The following AFF3 variants were observed in gnomAD, a reference collection of about 807,000 sequenced individuals.
AFF3 encodes the protein AF4/FMR2 family member 3.
Under a neutral mutation model 129.7 loss-of-function variants are expected in AFF3, and 32 were observed. That is an observed-to-expected ratio of 0.25 (90% CI 0.19 to 0.33). AFF3 has a LOEUF of 0.33. Among genes scored for constraint, AFF3 ranks in the 10% least tolerant of loss-of-function variants. The pLI, the probability that AFF3 is intolerant of heterozygous loss-of-function variation, is 1.00. For synonymous variants in AFF3, 644 were observed against 635.4 expected (o/e 1.01, Z -0.20); for missense variants, 1,373 against 1,592.0 (o/e 0.86, Z 2.34).
rs1228735463 is a variant in AFF3 at position 100,104,743 on chromosome 2, C to G, written c.-64-225G>C. On this transcript the variant is annotated intron_variant, in intron 3 of 24. Transcript: ENST00000672756. ...CCGCGCCGCCGCCGCCCCCCGCCCCCGGCCCTGCGCCCGCCCCTCCTCCCC... is the reference window on the plus strand; with the variant it reads ...CCGCGCCGCCGCCGCCCCCCGCCCCGGGCCCTGCGCCCGCCCCTCCTCCCC... 4.3e-5 allele frequency: 42 copies of G among 966,754 alleles called. No individual in the cohort carries two copies. In the African/African-American group the frequency reaches 5.7e-4, roughly 13 times the overall value. 59.9% of individuals were successfully genotyped at this position (966,754 alleles called of 1,614,324 possible). A position where few individuals can be genotyped will look rare whatever the true frequency, so the allele number is the denominator to read the frequency against.
At chr2:99,573,094 T>C (rs940052781) in intron 18 of AFF3, among the ~76,000 whole-genome samples, 1 of 152,172 alleles carries the variant, frequency 6.6e-6, no homozygotes, top group Non-Finnish European at 1.5e-5. Context: ...TCTGTTGAAA[T>C]GGGAAATTAT....
chr2:100,140,014 T>G (rs1014451441), intron 1 of AFF3, among the ~76,000 whole-genome samples: 2 of 152,216 alleles, frequency 1.3e-5, no homozygotes, highest in Admixed American at 6.5e-5. Context: ...TAATGACATG[T>G]CATTAAGAAC....
intron 2 of AFF3, among the ~76,000 whole-genome samples, chr2:100,121,632 T>C (rs1691971356): frequency 6.6e-6 from 1 of 152,100 alleles, no homozygotes; most frequent in Admixed American, 6.6e-5. Flanking sequence ...GGAGAGGGGA[T>C]GGGTTCAAAT....
At chr2:99,609,510 T>G (rs573921350) in intron 13 of AFF3, among the ~76,000 whole-genome samples, 1 of 152,326 alleles carries the variant, frequency 6.6e-6, no homozygotes, top group East Asian at 1.9e-4. Flanking sequence ...GTCACTTCAC[T>G]TAGAATAATA....
intron 7 of AFF3, among the ~76,000 whole-genome samples, chr2:99,865,825 T>C (rs149613147): frequency 1.5e-3 from 223 of 152,316 alleles, no homozygotes; most frequent in Admixed American, 3.5e-3. Flanking sequence ...CTCAAGGACA[T>C]AAAGGCTTAC....
intron 12 of AFF3, among the ~76,000 whole-genome samples, chr2:99,668,223 G>GT (rs1382557054): frequency 6.6e-6 from 1 of 152,004 alleles, no homozygotes; most frequent in Non-Finnish European, 1.5e-5. Context: ...CCGGGCTGGA[G>GT]TGCAGTGGCT....
At position 99,807,284 on chromosome 2, in the gene AFF3, G is replaced by A. The variant is rs769788495; in HGVS notation, c.921+30193C>T. On this transcript the variant is annotated intron_variant, in intron 8 of 24. Coordinates refer to ENST00000672756, the MANE Select transcript of AFF3 (RefSeq NM_001386135.1). The stretch of plus-strand genomic sequence containing the variant: ...GCAGAGAAAACGGAGTGGTGGGTGG[G>A]TTGCTGCATGGTCTGTTGGCTCCCG... Among the ~76,000 whole-genome samples the A allele has an allele frequency of 5.3e-5, 8 of 152,272 alleles. No individual in the cohort carries two copies. In the East Asian group the frequency reaches 1.4e-3, roughly 26 times the overall value.
intron 7 of AFF3, among the ~76,000 whole-genome samples, chr2:99,844,233 T>A (rs7600398): frequency 0.62 from 93,999 of 151,860 alleles, 30,122 homozygotes; most frequent in South Asian, 0.75. Context: ...TTTAAAAAAA[T>A]TATTGAGGCA....
intron 8 of AFF3, among the ~76,000 whole-genome samples, chr2:99,791,532 A>G (rs1415377169): frequency 1.3e-5 from 2 of 152,204 alleles, no homozygotes; most frequent in Non-Finnish European, 2.9e-5. Flanking sequence ...TTAACCTGTG[A>G]ATGTGGAACC....
intron 8 of AFF3, among the ~76,000 whole-genome samples, chr2:99,796,659 G>A (rs1346245007): frequency 1.3e-5 from 2 of 152,192 alleles, no homozygotes; most frequent in Non-Finnish European, 2.9e-5. Flanking sequence ...GGAGATTGCT[G>A]TACAGAGAGA....
intron 4 of AFF3, among the ~76,000 whole-genome samples, chr2:100,015,653 G>A (rs573005523): frequency 6.6e-6 from 1 of 152,338 alleles, no homozygotes; most frequent in South Asian, 2.1e-4. Flanking sequence ...CAAGGTTGCT[G>A]AAGTGTACTT....
intron 8 of AFF3, among the ~76,000 whole-genome samples, chr2:99,756,500 C>A (rs1682111672): frequency 6.6e-6 from 1 of 152,238 alleles, no homozygotes; most frequent in African/African-American, 2.4e-5. Flanking sequence ...TCTGGTCTGA[C>A]TGGAAGAGGC....
At chr2:100,011,895 C>G (rs539081608) in intron 4 of AFF3, among the ~76,000 whole-genome samples, 18 of 152,124 alleles carry the variant, frequency 1.2e-4, no homozygotes, top group Non-Finnish European at 2.2e-4. Flanking sequence ...TGAGTCATGT[C>G]CTACTCTGAA....
intron 7 of AFF3, among the ~76,000 whole-genome samples, chr2:99,963,636 A>C (rs915495431): frequency 5.9e-5 from 9 of 151,968 alleles, no homozygotes; most frequent in Non-Finnish European, 1.2e-4. Context: ...ACAAAAAAAA[A>C]CCCCAAAAAC....
chr2:100,006,787 C>T lies in AFF3; in HGVS notation c.718G>A (p.Gly240Ser). 1 of 1,614,204 alleles carries T rather than the reference C, an allele frequency of 6.2e-7. No homozygotes were observed. The highest frequency in any genetic ancestry group is 1.1e-5 in the South Asian group (1 of 91,084). The change falls in exon 7 of 25, where the codon GGC becomes AGC. Residue 240 changes from glycine (G) to serine (S), a missense_variant. This residue lies in a region of AFF3 where 413 missense variants were observed against 424.4 expected (regional missense o/e 0.97). Transcript: ENST00000672756. ...GACTCATCAGGGGCCTGATCTTGGC[C>T]GTCCATTGGCCTCACATACGCGGTC... Reference protein sequence around the residue: ...KPTAYVRPMDGQDQAPDESPK... With the variant: ...KPTAYVRPMDSQDQAPDESPK...
chr2:99,919,988 GA>G (rs1364967102), intron 7 of AFF3, among the ~76,000 whole-genome samples: 1 of 151,994 alleles, frequency 6.6e-6, no homozygotes, highest in Non-Finnish European at 1.5e-5. Flanking sequence ...GAAATTCCTT[GA>G]AAAATACAAC....
At chr2:99,836,757 T>C (rs971537352) in intron 8 of AFF3, among the ~76,000 whole-genome samples, 1 of 152,194 alleles carries the variant, frequency 6.6e-6, no homozygotes, top group East Asian at 1.9e-4. Flanking sequence ...TAATTTGTCT[T>C]GGTGTTTTGC....
chr2:99,830,376 G>T (rs979058438), intron 8 of AFF3, among the ~76,000 whole-genome samples: 6 of 152,212 alleles, frequency 3.9e-5, no homozygotes, highest in Non-Finnish European at 5.9e-5. Context: ...GACTGCAGTT[G>T]CAGTGGTGGT....
chr2:99,773,565 T>C (rs886971447), intron 8 of AFF3, among the ~76,000 whole-genome samples: 62 of 135,486 alleles, frequency 4.6e-4, no homozygotes, highest in Middle Eastern at 7.4e-3. Context: ...GTGATGGGGG[T>C]GGGGAATCTC....
Sources: allele counts gnomAD v4.1 joint callset (sites outside exome capture counted in the v4.1 genomes callset), GRCh38; gene constraint gnomAD v4.1.1; regional missense constraint gnomAD v4.1.1; transcripts MANE v1.5; gene names NCBI Gene and HGNC (gene_info 2026-07-23, HGNC 2026-07-21).